CTNNA3: variants seen among roughly 807,000 people sequenced by gnomAD.
CTNNA3 encodes the protein catenin alpha-3.
Under a neutral mutation model 95.7 loss-of-function variants are expected in CTNNA3, and 76 were observed. The ratio of observed to expected loss-of-function variants is 0.79; its 90% CI spans 0.66 to 0.96. The LOEUF is 0.96. Ranked by LOEUF, CTNNA3 falls within the 40% of genes least tolerant of loss-of-function variation. CTNNA3 has a pLI of 0.00. For synonymous variants in CTNNA3, 431 were observed against 374.4 expected (o/e 1.15, Z -1.74); for missense variants, 1,191 against 1,089.8 (o/e 1.09, Z -1.31).
chr10:66,539,402 T>A, intron 10 of CTNNA3, among the ~76,000 whole-genome samples: 1 of 152,184 alleles, frequency 6.6e-6, no homozygotes, highest in Non-Finnish European at 1.5e-5. Context: ...TATGCAGATG[T>A]CTCTGGGTAG....
chr10:66,419,881 A>T (rs2093177522), intron 11 of CTNNA3, among the ~76,000 whole-genome samples: 1 of 152,186 alleles, frequency 6.6e-6, no homozygotes, highest in Non-Finnish European at 1.5e-5. Flanking sequence ...GTACACAAAA[A>T]TAAACTCAAG....
At chr10:67,352,749 T>C in intron 5 of CTNNA3, among the ~76,000 whole-genome samples, 1 of 151,966 alleles carries the variant, frequency 6.6e-6, no homozygotes, top group African/African-American at 2.4e-5. Context: ...ATAATGGAAC[T>C]CCTACTATCT....
rs372313138 is a variant in CTNNA3, at chr10:67,393,391, A to G, written c.579+128451T>C. 1.4e-3 allele frequency among the ~76,000 whole-genome samples: 207 copies of G among 152,266 alleles called. 1 individual carries two copies. Among genetic ancestry groups the G allele is most frequent in the African/African-American group, 4.6e-3 (193 of 41,554 alleles). ...AGTATGGTGGAATGGCTTTTTGAAG[A>G]CTCATTTATGATGTCAGCCATATGG... On this transcript the variant is annotated intron_variant, in intron 5 of 17. Coordinates refer to ENST00000433211, the MANE Select transcript of CTNNA3 (RefSeq NM_013266.4).
intron 12 of CTNNA3, among the ~76,000 whole-genome samples, chr10:66,377,876 C>T (rs1307653181): frequency 6.6e-6 from 1 of 151,974 alleles, no homozygotes; most frequent in African/African-American, 2.4e-5. Flanking sequence ...ACTATGTGCC[C>T]TATTGATACC....
intron 10 of CTNNA3, among the ~76,000 whole-genome samples, chr10:66,561,235 C>A (rs1417993857): frequency 6.6e-6 from 1 of 152,008 alleles, no homozygotes; most frequent in East Asian, 1.9e-4. Context: ...CAATGTACTT[C>A]ATCTTTAAAA....
At position 66,371,279 on chromosome 10, in the gene CTNNA3, T is replaced by G. The variant is rs56017267; in HGVS notation, c.1732+7873A>C. Among the ~76,000 whole-genome samples the G allele has an allele frequency of 7.6e-3, 1,154 of 152,254 alleles. 13 individuals are homozygous for G. The highest frequency in any genetic ancestry group is 0.034 in the Middle Eastern group (10 of 294). ...CGTTCCCCCTTTTTGAAAACCTGCATAGACTCCTTTATACTTTTACATATA... is the reference window on the plus strand; with the variant it reads ...CGTTCCCCCTTTTTGAAAACCTGCAGAGACTCCTTTATACTTTTACATATA... On this transcript the variant is annotated intron_variant, in intron 12 of 17. Coordinates refer to ENST00000433211, the MANE Select transcript of CTNNA3 (RefSeq NM_013266.4).
At chr10:67,529,653 TAAATAAAATA>T (rs756383076) in intron 4 of CTNNA3, among the ~76,000 whole-genome samples, 2,485 of 150,878 alleles carry the variant, frequency 0.016, 73 homozygotes, top group African/African-American at 0.055. Context: ...AATAATACAA[TAAATAAAATA>T]AAATAAAATA....
rs138176497 is a variant in CTNNA3 at position 67,732,546 on chromosome 10, G to A, written c.-2+30888C>T. Among the ~76,000 whole-genome samples the A allele has an allele frequency of 3.7e-3, 568 of 152,248 alleles. 7 individuals are homozygous for A. The highest frequency in any genetic ancestry group is 0.013 in the African/African-American group (540 of 41,540). On this transcript the variant is annotated intron_variant, in intron 1 of 17. Transcript: ENST00000684154. ...AACTTTCTAATTAAAAATGCATTCT[G>A]TCTTAGGACAAAAACATAACCCTTC... is the stretch of plus-strand genomic sequence containing the variant.
chr10:67,589,928 G>A (rs905009181), intron 3 of CTNNA3, among the ~76,000 whole-genome samples: 2 of 151,882 alleles, frequency 1.3e-5, no homozygotes, highest in African/African-American at 4.8e-5. Flanking sequence ...TAATATTTTT[G>A]CTTACTATTT....
At chr10:67,115,337 G>A (rs900905653) in intron 7 of CTNNA3, among the ~76,000 whole-genome samples, 1 of 151,412 alleles carries the variant, frequency 6.6e-6, no homozygotes, top group Admixed American at 6.6e-5. Flanking sequence ...GGGGACTGTT[G>A]TGGGGTTGGG....
At chr10:66,742,215 G>A (rs1849349436) in intron 9 of CTNNA3, among the ~76,000 whole-genome samples, 1 of 152,146 alleles carries the variant, frequency 6.6e-6, no homozygotes, top group Non-Finnish European at 1.5e-5. Flanking sequence ...CCGCTTTGGG[G>A]ATGGCTGTCT....
chr10:67,447,426 T>C (rs1373215464), intron 5 of CTNNA3, among the ~76,000 whole-genome samples: 1 of 152,208 alleles, frequency 6.6e-6, no homozygotes, highest in Non-Finnish European at 1.5e-5. Context: ...ACTACCTTTG[T>C]GAAGAGCATA....
At chr10:66,097,454 A>G (rs1199449514) in intron 14 of CTNNA3, among the ~76,000 whole-genome samples, 2 of 152,122 alleles carry the variant, frequency 1.3e-5, no homozygotes, top group Admixed American at 6.5e-5. Context: ...CTTCAAAAAC[A>G]CCTATAAAAT....
At chr10:66,414,062 C>G (rs1589216628) in intron 11 of CTNNA3, among the ~76,000 whole-genome samples, 1 of 152,102 alleles carries the variant, frequency 6.6e-6, no homozygotes, top group Admixed American at 6.5e-5. Flanking sequence ...TTATTTTATT[C>G]TCCTAAATTT....
intron 13 of CTNNA3, among the ~76,000 whole-genome samples, chr10:66,254,692 C>A (rs908703715): frequency 6.6e-6 from 1 of 152,156 alleles, no homozygotes; most frequent in African/African-American, 2.4e-5. Flanking sequence ...CATCCTGGGA[C>A]TTTACTGGGA....
intron 7 of CTNNA3, among the ~76,000 whole-genome samples, chr10:66,941,868 T>TA (rs1017576737): frequency 6.6e-6 from 1 of 152,152 alleles, no homozygotes; most frequent in Admixed American, 6.5e-5. Flanking sequence ...GAGGATGACC[T>TA]AAAAAAACCA....
chr10:66,626,476 C>A (rs1403560983), intron 9 of CTNNA3, among the ~76,000 whole-genome samples: 1 of 152,158 alleles, frequency 6.6e-6, no homozygotes, highest in Admixed American at 6.5e-5. Context: ...ATTGGTCATG[C>A]AACTCTTGTG....
chr10:67,586,967 A>G (rs1842646099), intron 3 of CTNNA3, among the ~76,000 whole-genome samples: 1 of 152,018 alleles, frequency 6.6e-6, no homozygotes, highest in African/African-American at 2.4e-5. Context: ...TGCTCTACCA[A>G]TGACTTACAC....
At chr10:66,272,366 T>C (rs1302508796) in intron 13 of CTNNA3, among the ~76,000 whole-genome samples, 1 of 152,190 alleles carries the variant, frequency 6.6e-6, no homozygotes, top group Non-Finnish European at 1.5e-5. Flanking sequence ...TCTTTGTACA[T>C]TAAATAAATT....
Sources: allele counts gnomAD v4.1 joint callset (sites outside exome capture counted in the v4.1 genomes callset), GRCh38; gene constraint gnomAD v4.1.1; transcripts MANE v1.5; gene names NCBI Gene and HGNC (gene_info 2026-07-23, HGNC 2026-07-21).